Variants in SPG11 observed in about 807,000 individuals in gnomAD.
SPG11 encodes the protein spatacsin.
A neutral mutation model predicts 274.0 loss-of-function variants in SPG11; 222 were observed. The ratio of observed to expected loss-of-function variants is 0.81; its 90% confidence interval spans 0.73 to 0.91. The LOEUF is 0.91. Among genes scored for constraint, SPG11 ranks in the 40% least tolerant of loss-of-function variants. The pLI is 0.00. For missense variants in SPG11, 3,114 were observed against 2,872.7 expected (o/e 1.08, Z -1.92); for synonymous variants, 1,144 against 1,039.7 (o/e 1.10, Z -1.93).
At chr15:44,656,730 A>G (rs2084952186) in intron 4 of SPG11, among the ~76,000 whole-genome samples, 1 of 152,220 alleles carries the variant, frequency 6.6e-6, no homozygotes, top group Non-Finnish European at 1.5e-5. Context: ...ACAAATCATG[A>G]ACTTGGGTTC....
rs1259198192 is a variant in SPG11 at position 44,606,018 on chromosome 15, G to C, written c.3520+7C>G. The C allele has an allele frequency of 1.2e-6, 2 of 1,612,448 alleles. No individual in the cohort carries two copies. Among genetic ancestry groups the C allele is most frequent in the Non-Finnish European group, 1.7e-6 (2 of 1,178,710 alleles). On this transcript the variant is annotated splice_region_variant and intron_variant, in intron 20 of 39. Transcript: ENST00000261866. ...ACATGTCTCAAGAAGTACCCATGAT[G>C]ACTTACCTCCTATAGCTAGTGTGTT...
intron 12 of SPG11, 120 bp from the exon 13 acceptor site, chr15:44,622,467 G>C (rs2083780966): frequency 3.5e-6 from 3 of 859,904 alleles, no homozygotes; most frequent in Non-Finnish European, 5.3e-6. Flanking sequence ...AAAAAGTCAT[G>C]AGATAATATG....
At chr15:44,610,060 G>A (rs2083422220) in intron 18 of SPG11, among the ~76,000 whole-genome samples, 1 of 151,692 alleles carries the variant, frequency 6.6e-6, no homozygotes, top group Admixed American at 6.6e-5. Context: ...ACGCTACCAT[G>A]CCCGGCTAGT....
chr15:44,571,491 C>CTTTTCTTT (rs2082423273), intron 33 of SPG11, among the ~76,000 whole-genome samples: 1 of 140,684 alleles, frequency 7.1e-6, no homozygotes, highest in Non-Finnish European at 1.6e-5. Flanking sequence ...ATTTAAATTT[C>CTTTTCTTT]TTTTCTTTTT....
At chr15:44,563,367 CT>C in intron 39 of SPG11, 66 bp from the exon 40 acceptor site, 1 of 1,472,572 alleles carries the variant, frequency 6.8e-7, no homozygotes, top group Non-Finnish European at 9.4e-7. Context: ...TTGAGACAGT[CT>C]TACTCTGTTG....
intron 30 of SPG11, among the ~76,000 whole-genome samples, chr15:44,575,888 A>C (rs2082525288): frequency 6.6e-6 from 1 of 152,160 alleles, no homozygotes; most frequent in African/African-American, 2.4e-5. Flanking sequence ...CACGCCTATA[A>C]TCCCAGCACT....
intron 15 of SPG11, among the ~76,000 whole-genome samples, chr15:44,616,207 C>CTT (rs534285308): frequency 7.2e-5 from 10 of 138,168 alleles, no homozygotes; most frequent in South Asian, 2.3e-4. Context: ...CATTCCCATA[C>CTT]TTTTTTTTTT....
intron 1 of SPG11, among the ~76,000 whole-genome samples, chr15:44,662,941 AG>A (rs1382348361): frequency 6.6e-6 from 1 of 152,252 alleles, no homozygotes; most frequent in Non-Finnish European, 1.5e-5. Context: ...TACATGTGAA[AG>A]AAAACGCTAT....
rs182867114 is a variant in SPG11 at position 44,598,060 on chromosome 15, T to C, written c.4001+205A>G. ...AGTCCATCTCTAAAGAGAGAATTGC[T>C]ATCTTCACCCTCTTTTCACTGATGG... On this transcript the variant is annotated intron_variant, in intron 23 of 39. Transcript: ENST00000261866. Among the ~76,000 whole-genome samples the C allele has an allele frequency of 2.0e-4, 30 of 152,348 alleles. No homozygotes were observed. The East Asian group carries it at 5.0e-3, about 25-fold the overall frequency.
rs190880052 is a variant in SPG11 at position 44,600,703 on chromosome 15, C to T, written c.3521-71G>A. ...ATTAATTTCAGATTTGCACATGGAA[C>T]TCTCTAATGATAAAACTGGTTGCTG... On this transcript the variant is annotated intron_variant, in intron 20 of 39. Transcript: ENST00000261866. 1.2e-4 allele frequency: 172 copies of T among 1,492,796 alleles called. No individual in the cohort carries two copies. In the African/African-American group the frequency reaches 1.9e-3, roughly 16 times the overall value. 92.5% of individuals were successfully genotyped at this position (1,492,796 alleles called of 1,614,324 possible).
intron 39 of SPG11, among the ~76,000 whole-genome samples, chr15:44,563,710 A>C (rs1294465133): frequency 6.6e-6 from 1 of 151,612 alleles, no homozygotes; most frequent in Non-Finnish European, 1.5e-5. Flanking sequence ...GGTTTTTCAG[A>C]GTGTGAACTC....
intron 29 of SPG11, among the ~76,000 whole-genome samples, chr15:44,584,836 C>T (rs894922094): frequency 1.3e-5 from 2 of 152,070 alleles, no homozygotes; most frequent in African/African-American, 2.4e-5. Context: ...CCTATGTTGC[C>T]CAGGCTGGTC....
At chr15:44,660,954 T>G (rs1283684574) in intron 1 of SPG11, among the ~76,000 whole-genome samples, 2 of 152,208 alleles carry the variant, frequency 1.3e-5, no homozygotes, top group Non-Finnish European at 2.9e-5. Context: ...CAACAAAATA[T>G]GTATATTATT....
At chr15:44,563,324 C>T in intron 39 of SPG11, 23 bp from the exon 40 acceptor site, 3 of 1,602,718 alleles carry the variant, frequency 1.9e-6, no homozygotes, top group Non-Finnish European at 1.7e-6. Flanking sequence ...ACATAATGTA[C>T]AGGTTAAGAT....
At chr15:44,582,403 C>A (rs185363621) in intron 30 of SPG11, among the ~76,000 whole-genome samples, 1 of 152,202 alleles carries the variant, frequency 6.6e-6, no homozygotes, top group African/African-American at 2.4e-5. Flanking sequence ...CAAAAAGTAG[C>A]CAAGCGTGGT....
In SPG11 at chr15:44,565,900, C is replaced by T. The variant is rs768408465; in HGVS notation, c.6953G>A (p.Arg2318His). ...GQNTMLINLG[R>H]HKLMDCILAL... Reference sequence around the variant, plus strand: ...CAGAATACAGTCCATCAGCTTGTGGCGGCCCAAGTTGATGAGCATTGTGTT... The same window carrying T: ...CAGAATACAGTCCATCAGCTTGTGGTGGCCCAAGTTGATGAGCATTGTGTT... Residue 2318 changes from arginine (R) to histidine (H), a missense_variant, in exon 38 of 40, where the codon CGC (arginine) becomes CAC (histidine). Coordinates refer to ENST00000261866, the MANE Select transcript of SPG11 (RefSeq NM_025137.4). 33 of 1,613,580 alleles carry T rather than the reference C, an allele frequency of 2.0e-5. No homozygotes were observed. Among genetic ancestry groups the T allele is most frequent in the East Asian group, 4.5e-5 (2 of 44,878 alleles).
rs958109865 is a variant in SPG11, at chr15:44,651,722, G to A, written c.1225C>T (p.Pro409Ser). The A allele has an allele frequency of 6.2e-7, 1 of 1,614,168 alleles. No homozygotes were observed. Among genetic ancestry groups the A allele is most frequent in the Admixed American group, 1.7e-5 (1 of 60,012 alleles). Residue 409 changes from proline (P) to serine (S), a missense_variant, in exon 6 of 40, where the codon CCA becomes TCA. Transcript: ENST00000261866. Reference sequence around the variant, plus strand: ...TGCATTATTTTCCATGATCTTCCTGGATCACTGGTCTTGGCATGATCTTTC... The same window carrying A: ...TGCATTATTTTCCATGATCTTCCTGAATCACTGGTCTTGGCATGATCTTTC... ...LQKDHAKTSD[P>S]GRSWKIMHIS...
At chr15:44,606,490 A>G (rs776923213) in intron 19 of SPG11, among the ~76,000 whole-genome samples, 11 of 152,200 alleles carry the variant, frequency 7.2e-5, no homozygotes, top group Non-Finnish European at 1.3e-4. Context: ...AGGGTAGGCA[A>G]GGAAAGGAAA....
At chr15:44,601,160 CAA>C (rs905946447) in intron 20 of SPG11, among the ~76,000 whole-genome samples, 1 of 150,960 alleles carries the variant, frequency 6.6e-6, no homozygotes, top group African/African-American at 2.4e-5. Context: ...TTCAAAAAAA[CAA>C]AAAAAAGTGT....
Sources: allele counts gnomAD v4.1 joint callset (sites outside exome capture counted in the v4.1 genomes callset), GRCh38; gene constraint gnomAD v4.1.1; transcripts MANE v1.5; gene names NCBI Gene and HGNC (gene_info 2026-07-23, HGNC 2026-07-21).